The following XKR4 variants were observed in gnomAD, a reference collection of about 807,000 sequenced individuals.
XKR4 encodes the protein XK related 4.
Under a neutral mutation model 53.9 loss-of-function variants are expected in XKR4, and 12 were observed. The observed-to-expected ratio is 0.22, with a 90% CI of 0.14 to 0.36. XKR4 has a LOEUF of 0.36. Ranked by LOEUF, XKR4 falls within the 10% of genes least tolerant of loss-of-function variation. The pLI is 1.00. For missense variants in XKR4, 799 were observed against 859.5 expected, an observed-to-expected ratio of 0.93 and a Z score of 0.88; for synonymous variants, 354 against 362.4, an observed-to-expected ratio of 0.98 and a Z score of 0.26.
At chr8:55,319,702 AG>A (rs1340571809) in intron 1 of XKR4, among the ~76,000 whole-genome samples, 1 of 152,238 alleles carries the variant, frequency 6.6e-6, no homozygotes, top group African/African-American at 2.4e-5. Flanking sequence ...AATATAACAA[AG>A]TATGAAGGAC....
chr8:55,422,163 CA>C (rs1282793787), intron 2 of XKR4, among the ~76,000 whole-genome samples: 2 of 152,200 alleles, frequency 1.3e-5, no homozygotes, highest in East Asian at 3.9e-4. Flanking sequence ...ATAAAATTGG[CA>C]GTGAAAAAAC....
At chr8:55,152,498 AGAAT>A (rs1816852187) in intron 1 of XKR4, among the ~76,000 whole-genome samples, 2 of 152,218 alleles carry the variant, frequency 1.3e-5, no homozygotes, top group Admixed American at 1.3e-4. Flanking sequence ...TTGTCTTCAA[AGAAT>A]GATAAATGAA....
intron 2 of XKR4, among the ~76,000 whole-genome samples, chr8:55,428,550 C>A (rs1234114481): frequency 6.6e-6 from 1 of 152,228 alleles, no homozygotes; most frequent in African/African-American, 2.4e-5. Context: ...TCATCCCAAA[C>A]CGCACCGGAG....
intron 1 of XKR4, among the ~76,000 whole-genome samples, chr8:55,318,538 T>C (rs534675315): frequency 1.5e-4 from 23 of 152,158 alleles, no homozygotes; most frequent in Non-Finnish European, 2.4e-4. Flanking sequence ...ATAGACCCAA[T>C]CCAGGGAGAA....
chr8:55,192,230 GTCCCTT>G lies in XKR4; in HGVS notation c.806+88937_806+88942del, dbSNP rs1817452131. On this transcript the variant is annotated intron_variant, in intron 1 of 2. Coordinates refer to ENST00000327381, the MANE Select transcript of XKR4 (RefSeq NM_052898.2). ...AGGGACTTAATACAATTCTTACAAA[GTCCCTT>G]AACTTTGTTGAAATCCTGTGCTAGC... Among the ~76,000 whole-genome samples the G allele has an allele frequency of 2.1e-5, 3 of 140,460 alleles. No individual in the cohort carries two copies. In the Admixed American group the frequency reaches 2.1e-4, roughly 10 times the overall value. 92.1% of individuals were successfully genotyped at this position (140,460 alleles called of 152,430 possible).
intron 1 of XKR4, among the ~76,000 whole-genome samples, chr8:55,266,026 T>C (rs1818596319): frequency 6.7e-6 from 1 of 149,988 alleles, no homozygotes. Context: ...AATTCTTAAA[T>C]ATAGGCATGT....
chr8:55,420,142 G>A (rs1804903601), intron 2 of XKR4, among the ~76,000 whole-genome samples: 1 of 152,170 alleles, frequency 6.6e-6, no homozygotes, highest in East Asian at 1.9e-4. Flanking sequence ...CTGTCTTATA[G>A]ATTAAATCTT....
chr8:55,224,245 T>A (rs1817923149), intron 1 of XKR4, among the ~76,000 whole-genome samples: 1 of 152,186 alleles, frequency 6.6e-6, no homozygotes, highest in African/African-American at 2.4e-5. Context: ...AATTTCTACC[T>A]TTTAAAATTA....
chr8:55,400,314 GC>G (rs142056748), intron 2 of XKR4, among the ~76,000 whole-genome samples: 1,990 of 150,036 alleles, frequency 0.013, 50 homozygotes, highest in African/African-American at 0.047. Context: ...GAAATGTTCT[GC>G]CAAAATATTG....
chr8:55,164,399 T>C lies in XKR4; in HGVS notation c.806+61105T>C, dbSNP rs750903502. 1.1e-4 allele frequency: 52 copies of C among 456,188 alleles called. 2 individuals are homozygous for C. The highest frequency in any genetic ancestry group is 7.9e-4 in the South Asian group (51 of 64,574). The allele number at this position is 456,188 out of a possible 1,614,324, so 28.3% of individuals were successfully genotyped here. A position where few individuals can be genotyped will look rare whatever the true frequency, so the allele number is the denominator to read the frequency against. On this transcript the variant is annotated intron_variant, in intron 1 of 2. Transcript: ENST00000327381. ...TCAGCCTTTAACAAACTCACATTCC[T>C]GTTTGACTGACAGATCTCCCAGAAA...
At chr8:55,365,578 A>G (rs1335540971) in intron 2 of XKR4, among the ~76,000 whole-genome samples, 1 of 151,916 alleles carries the variant, frequency 6.6e-6, no homozygotes, top group Non-Finnish European at 1.5e-5. Context: ...ATGGTGGCGC[A>G]TGCCTGTAAT....
chr8:55,109,016 G>T (rs1003838794), intron 1 of XKR4, among the ~76,000 whole-genome samples: 1 of 152,170 alleles, frequency 6.6e-6, no homozygotes, highest in Non-Finnish European at 1.5e-5. Flanking sequence ...CATAGTAAGT[G>T]CTGAACTGTT....
chr8:55,466,333 T>C (rs1234747731), intron 2 of XKR4, among the ~76,000 whole-genome samples: 1 of 152,010 alleles, frequency 6.6e-6, no homozygotes, highest in African/African-American at 2.4e-5. Flanking sequence ...ATGTCCTTTG[T>C]AGGGACATGG....
chr8:55,508,136 C>A (rs577896409), intron 2 of XKR4, among the ~76,000 whole-genome samples: 3 of 151,962 alleles, frequency 2.0e-5, no homozygotes, highest in South Asian at 2.1e-4. Context: ...CCTTTACAAG[C>A]AGTGATGGCA....
intron 1 of XKR4, among the ~76,000 whole-genome samples, chr8:55,143,210 G>T (rs1816729180): frequency 2.0e-5 from 3 of 152,172 alleles, no homozygotes; most frequent in Admixed American, 2.0e-4. Flanking sequence ...TAAAAACAGT[G>T]CTGCTCTGAT....
intron 1 of XKR4, among the ~76,000 whole-genome samples, chr8:55,111,036 C>A (rs954555231): frequency 1.3e-5 from 2 of 152,078 alleles, no homozygotes; most frequent in African/African-American, 4.8e-5. Flanking sequence ...CGGAGAGGGT[C>A]ATAGTTAGAA....
chr8:55,199,911 C>A (rs79059662), intron 1 of XKR4, among the ~76,000 whole-genome samples: 4,376 of 152,210 alleles, frequency 0.029, 218 homozygotes, highest in African/African-American at 0.098. Context: ...GATGAAGAAA[C>A]CAAAGCTTAA....
intron 1 of XKR4, among the ~76,000 whole-genome samples, chr8:55,262,455 C>T (rs1818539441): frequency 6.6e-6 from 1 of 152,144 alleles, no homozygotes; most frequent in South Asian, 2.1e-4. Flanking sequence ...AGGTGGGAGA[C>T]TTTTGGAAGT....
intron 1 of XKR4, among the ~76,000 whole-genome samples, chr8:55,258,462 T>A (rs900462123): frequency 6.6e-6 from 1 of 152,178 alleles, no homozygotes; most frequent in African/African-American, 2.4e-5. Context: ...ACAGGCTGAT[T>A]GCTCAAGTCA....
Sources: gnomAD v4.1 joint callset for allele counts (sites outside exome capture counted in the v4.1 genomes callset) on GRCh38, gnomAD v4.1.1 for gene constraint, MANE v1.5 for transcripts, NCBI Gene and HGNC (gene_info 2026-07-23, HGNC 2026-07-21) for gene names.